PALD1: variants seen among roughly 807,000 people sequenced by gnomAD.
PALD1 encodes the protein paladin.
A neutral mutation model predicts 96.0 loss-of-function variants in PALD1; 57 were observed. That is an observed-to-expected ratio of 0.59 (90% CI 0.48 to 0.74). The LOEUF (loss-of-function observed/expected upper bound fraction) is 0.74. Among genes scored for constraint, PALD1 ranks in the 30% least tolerant of loss-of-function variants. PALD1 has a pLI of 0.00. For synonymous variants in PALD1, 464 were observed against 473.6 expected (o/e 0.98, Z 0.26); for missense variants, 1,063 against 1,143.7 (o/e 0.93, Z 1.02).
chr10:70,523,375 C>T (rs999249529), intron 1 of PALD1, among the ~76,000 whole-genome samples: 1 of 152,192 alleles, frequency 6.6e-6, no homozygotes, highest in East Asian at 1.9e-4. Context: ...CATCCTCTCC[C>T]TCGGGAGAGC....
chr10:70,497,797 G>A (rs1417662961), intron 1 of PALD1, among the ~76,000 whole-genome samples: 1 of 152,072 alleles, frequency 6.6e-6, no homozygotes, highest in African/African-American at 2.4e-5. Flanking sequence ...GGATGGTCTT[G>A]ATCTCCTGAC....
intron 18 of PALD1, among the ~76,000 whole-genome samples, chr10:70,550,445 CG>C (rs2132421253): frequency 6.6e-6 from 1 of 152,208 alleles, no homozygotes; most frequent in African/African-American, 2.4e-5. Flanking sequence ...CTGATGCTGG[CG>C]GGGACCACAC....
In PALD1 at chr10:70,487,966, CAT is replaced by C. The variant is rs372944046; in HGVS notation, c.-30+8911_-30+8912del. ...TCTGGATTTTTCACATACGTGGACTCATATAACAGGTAGCTTTTAGTGACTGG... is the reference window on the plus strand; with the variant it reads ...TCTGGATTTTTCACATACGTGGACTCATAACAGGTAGCTTTTAGTGACTGG... On this transcript the variant is annotated intron_variant, in intron 1 of 19. Transcript: ENST00000263563. Among the ~76,000 whole-genome samples the C allele has an allele frequency of 3.4e-4, 52 of 152,342 alleles. No individual in the cohort carries two copies. The South Asian group carries it at 4.4e-3, about 13-fold the overall frequency.
chr10:70,539,829 C>A lies in PALD1; in HGVS notation c.1908+67C>A. On this transcript the variant is annotated intron_variant, in intron 15 of 19. Coordinates refer to ENST00000263563, the MANE Select transcript of PALD1 (RefSeq NM_014431.3). This position sits in a 1 kb window ranked among gnomAD's most constrained non-coding sequence, Gnocchi z 4.5. Reference sequence around the variant, plus strand: ...GAGGCCTCCCTGTCTCCCCTCTGGTCTGGGCTCTGGGAGAATGAAACGACC... The same window carrying A: ...GAGGCCTCCCTGTCTCCCCTCTGGTATGGGCTCTGGGAGAATGAAACGACC... 1 of 1,384,272 alleles carries A rather than the reference C, an allele frequency of 7.2e-7. No homozygotes were observed. 85.7% of individuals were successfully genotyped at this position (1,384,272 alleles called of 1,614,324 possible). A position where few individuals can be genotyped will look rare whatever the true frequency, so the allele number is the denominator to read the frequency against.
Position 70,538,293 on chromosome 10 carries a change from T to C in PALD1, c.1337T>C (p.Phe446Ser). Residue 446 changes from phenylalanine to serine, a missense_variant, in exon 12 of 20, where the codon TTT (phenylalanine) becomes TCT (serine). Transcript: ENST00000263563. Reference sequence around the variant, plus strand: ...CTCGGGCTGCAGTACCCGCTGGCCTTTGCCCTCAGTTTCAGCCGCTGGCTG... The same window carrying C: ...CTCGGGCTGCAGTACCCGCTGGCCTCTGCCCTCAGTTTCAGCCGCTGGCTG... ...YYLHEQYPLA[F>S]ALSFSRWLCA... The C allele has an allele frequency of 6.2e-7, 1 of 1,603,114 alleles. No homozygotes were observed. Among genetic ancestry groups the C allele is most frequent in the Non-Finnish European group, 8.5e-7 (1 of 1,179,934 alleles).
chr10:70,539,715 A>G lies in PALD1; in HGVS notation c.1861A>G (p.Thr621Ala), dbSNP rs1589209438. 6.2e-7 allele frequency: 1 copy of G among 1,612,716 alleles called. No homozygotes were observed. The highest frequency in any genetic ancestry group is 8.5e-7 in the Non-Finnish European group (1 of 1,179,524). ...GCACCGCAGGGCCTGTCCTGGCCTCACCTACCACCGCATCCCCATGCCGGA... is the reference window on the plus strand; with the variant it reads ...GCACCGCAGGGCCTGTCCTGGCCTCGCCTACCACCGCATCCCCATGCCGGA... ...SQHRRACPGL[T>A]YHRIPMPDFC... The change falls in exon 15 of 20, where the codon ACC becomes GCC. Residue 621 changes from threonine (T) to alanine (A), a missense_variant. Physicochemically the swap from Thr to Ala is moderately conservative, Grantham distance 58. Coordinates refer to ENST00000263563, the MANE Select transcript of PALD1 (RefSeq NM_014431.3). The surrounding 1 kb of genome is among the most constrained non-coding windows in gnomAD (Gnocchi z 4.5).
rs548448345 is a variant in PALD1, at chr10:70,511,052, A to G, written c.-29-14871A>G. The stretch of plus-strand genomic sequence containing the variant: ...ACGTGGAGCTGCCAGCCCACAGTGT[A>G]GCCTGGCTTTCACCAGTAGGGAAAC... On this transcript the variant is annotated intron_variant, in intron 1 of 19. Transcript: ENST00000263563. 5.9e-5 allele frequency among the ~76,000 whole-genome samples: 9 copies of G among 152,320 alleles called. No individual in the cohort carries two copies. In the South Asian group the frequency reaches 1.9e-3, roughly 32 times the overall value.
intron 18 of PALD1, among the ~76,000 whole-genome samples, chr10:70,554,141 C>G (rs959030451): frequency 6.6e-6 from 1 of 152,178 alleles, no homozygotes; most frequent in African/African-American, 2.4e-5. Context: ...TTAAGAACTG[C>G]CTCAAGGCCA....
Position 70,540,484 on chromosome 10 carries a change from C to T in PALD1, c.1909-618C>T, listed in dbSNP as rs1183842718. Among the ~76,000 whole-genome samples, 4 of 151,516 alleles carry T rather than the reference C, an allele frequency of 2.6e-5. No homozygotes were observed. The highest frequency in any genetic ancestry group is 4.9e-5 in the African/African-American group (2 of 41,192). ...CTGTATAGTGTGTGTGTTTACCGGA[C>T]GTGGATCCCTGTGTGGTGCGTGTGT... On this transcript the variant is annotated intron_variant, in intron 15 of 19. Coordinates refer to ENST00000263563, the MANE Select transcript of PALD1 (RefSeq NM_014431.3). This position sits in a 1 kb window ranked among gnomAD's most constrained non-coding sequence, Gnocchi z 4.2.
intron 18 of PALD1, among the ~76,000 whole-genome samples, chr10:70,557,829 T>C (rs1273925263): frequency 6.6e-6 from 1 of 151,736 alleles, no homozygotes; most frequent in African/African-American, 2.4e-5. Flanking sequence ...AGCGAGGGGA[T>C]ACTAAGGAGT....
intron 1 of PALD1, among the ~76,000 whole-genome samples, chr10:70,484,292 C>T (rs991738613): frequency 1.1e-4 from 16 of 151,514 alleles, no homozygotes; most frequent in African/African-American, 2.9e-4. Flanking sequence ...CATGAGCCAC[C>T]GTGCTCGACC....
Position 70,534,464 on chromosome 10 carries a change from G to C in PALD1, c.1062G>C (p.Gln354His). The C allele has an allele frequency of 6.2e-7, 1 of 1,613,020 alleles. No homozygotes were observed. Residue 354 changes from glutamine (Q) to histidine (H), a missense_variant, in exon 9 of 20, where the codon CAG becomes CAC. Coordinates refer to ENST00000263563, the MANE Select transcript of PALD1 (RefSeq NM_014431.3). Reference sequence around the variant, plus strand: ...AGGCCAAGCCCCTGCCTATGGAGCAGTTCCAGGTGATCCAGAGCTTTCTCC... The same window carrying C: ...AGGCCAAGCCCCTGCCTATGGAGCACTTCCAGGTGATCCAGAGCTTTCTCC... ...PTQAKPLPME[Q>H]FQVIQSFLRM...
In PALD1 at chr10:70,540,566, C is replaced by T. The variant is rs561539159; in HGVS notation, c.1909-536C>T. ...CGTGGTGCGTGTGTTGTAGGTGGGT[C>T]GCTGTGTGCTGTGTAACTGGCAATG... On this transcript the variant is annotated intron_variant, in intron 15 of 19. Coordinates refer to ENST00000263563, the MANE Select transcript of PALD1 (RefSeq NM_014431.3). The surrounding 1 kb of genome is among the most constrained non-coding windows in gnomAD (Gnocchi z 4.2). 1.3e-5 allele frequency among the ~76,000 whole-genome samples: 2 copies of T among 151,928 alleles called. No homozygotes were observed. The highest frequency in any genetic ancestry group is 2.4e-5 in the African/African-American group (1 of 41,328).
chr10:70,517,310 C>CA (rs933701991), intron 1 of PALD1, among the ~76,000 whole-genome samples: 2 of 151,338 alleles, frequency 1.3e-5, no homozygotes, highest in Middle Eastern at 3.4e-3. Flanking sequence ...AGGTAGCGTT[C>CA]ATACAATGAA....
upstream of PALD1, among the ~76,000 whole-genome samples, chr10:70,475,536 C>T (rs1378760803): frequency 1.5e-5 from 2 of 131,060 alleles, no homozygotes; most frequent in Non-Finnish European, 3.2e-5. Context: ...GTCCAGTGTC[C>T]CTCAGCTGTG....
chr10:70,500,644 G>T (rs765853820), intron 1 of PALD1, among the ~76,000 whole-genome samples: 1 of 152,104 alleles, frequency 6.6e-6, no homozygotes, highest in African/African-American at 2.4e-5. Context: ...AACGTCTTCC[G>T]CCACTGTGCA....
intron 12 of PALD1, 65 bp downstream of exon 12, chr10:70,538,473 G>A: frequency 1.3e-6 from 2 of 1,526,524 alleles, no homozygotes; most frequent in African/African-American, 1.4e-5. Context: ...CCTAAACACT[G>A]GATTCCTGTA....
intron 1 of PALD1, among the ~76,000 whole-genome samples, chr10:70,497,204 C>T (rs114378419): frequency 0.018 from 2,706 of 152,342 alleles, 89 homozygotes; most frequent in African/African-American, 0.056. Context: ...GCACAGACCC[C>T]GATCAGCACA....
At chr10:70,469,938 C>T in the PALD1 span, among the ~76,000 whole-genome samples, 213 of 152,158 alleles carry the variant, frequency 1.4e-3, no homozygotes, top group African/African-American at 4.9e-3. Flanking sequence ...GGACTACAGG[C>T]GCCCGCCACC....
Sources: allele counts gnomAD v4.1 joint callset (sites outside exome capture counted in the v4.1 genomes callset), GRCh38; gene constraint gnomAD v4.1.1; non-coding constraint Gnocchi (gnomAD v3.1); transcripts MANE v1.5; gene names NCBI Gene and HGNC (gene_info 2026-07-23, HGNC 2026-07-21).